Variants in BCAS3 observed in about 807,000 individuals in gnomAD.
BCAS3 encodes the protein BCAS4/BCAS3 fusion.
BCAS3 carries 53 observed loss-of-function variants against 116.1 expected under a neutral mutation model. The observed-to-expected ratio is 0.46, with a 90% confidence interval of 0.37 to 0.57. The LOEUF is 0.57. Among genes scored for constraint, BCAS3 ranks in the 20% least tolerant of loss-of-function variants. The probability of loss-of-function intolerance (pLI) is 0.00; values close to 1 mark genes in which losing one functional copy is unlikely to be tolerated. For synonymous variants in BCAS3, 391 were observed against 408.2 expected, an observed-to-expected ratio of 0.96 and a Z score of 0.51; for missense variants, 917 against 1,165.4, an observed-to-expected ratio of 0.79 and a Z score of 3.10.
intron 22 of BCAS3, among the ~76,000 whole-genome samples, chr17:61,340,854 G>A (rs2057099639): frequency 6.6e-6 from 1 of 152,206 alleles, no homozygotes; most frequent in African/African-American, 2.4e-5. Context: ...AATTGGGTTA[G>A]CAGAGGCAGA....
intron 22 of BCAS3, among the ~76,000 whole-genome samples, chr17:61,148,934 G>A (rs6504020): frequency 0.084 from 12,828 of 152,238 alleles, 1,849 homozygotes; most frequent in African/African-American, 0.29. Context: ...GTTATTTATG[G>A]CTTTGGGAGA....
rs58589853 is a variant in BCAS3, at chr17:61,388,959, ATCATTCATTCATTCATTCAT to A, written c.2594-2993_2594-2974del. On this transcript the variant is annotated intron_variant, in intron 23 of 23. Transcript: ENST00000407086. This position sits in a 1 kb window ranked among gnomAD's most constrained non-coding sequence, Gnocchi z 6.5. Reference sequence around the variant, plus strand: ...ATGGGCCCCCACCTCCCCTTACCACATCATTCATTCATTCATTCATTCATTCATTCATTCATTCATTCATG... The same window carrying A: ...ATGGGCCCCCACCTCCCCTTACCACATCATTCATTCATTCATTCATTCATG... 6.9e-5 allele frequency: 21 copies of A among 303,698 alleles called. No homozygotes were observed. Among genetic ancestry groups the A allele is most frequent in the East Asian group, 1.3e-4 (2 of 15,096 alleles). 18.8% of individuals were successfully genotyped at this position (303,698 alleles called of 1,614,324 possible).
intron 13 of BCAS3, among the ~76,000 whole-genome samples, chr17:60,940,082 G>A (rs369011558): frequency 3.3e-5 from 5 of 152,034 alleles, no homozygotes; most frequent in South Asian, 2.1e-4. Flanking sequence ...AATACACTTC[G>A]AACTGCTAAA....
chr17:61,127,910 C>CT (rs1289024569), intron 22 of BCAS3, among the ~76,000 whole-genome samples: 5 of 151,586 alleles, frequency 3.3e-5, no homozygotes, highest in African/African-American at 9.7e-5. Flanking sequence ...AAAAAGAAAA[C>CT]TTAAGGAGTA....
intron 6 of BCAS3, among the ~76,000 whole-genome samples, chr17:60,796,125 G>A (rs895594961): frequency 2.0e-5 from 3 of 152,176 alleles, no homozygotes; most frequent in Admixed American, 1.3e-4. Flanking sequence ...GTTGGATTCG[G>A]TTAGCTAGTA....
chr17:60,695,674 C>G (rs1156410679), intron 4 of BCAS3, among the ~76,000 whole-genome samples: 3 of 152,196 alleles, frequency 2.0e-5, no homozygotes, highest in African/African-American at 7.2e-5. Flanking sequence ...TCACAGCTCA[C>G]TGCAACTTTG....
intron 7 of BCAS3, among the ~76,000 whole-genome samples, chr17:60,827,756 AAGAAGCGTGTTTCTATGTAAT>A (rs1404123431): frequency 2.0e-5 from 3 of 152,152 alleles, no homozygotes; most frequent in African/African-American, 7.2e-5. Flanking sequence ...CCCCCTGTAG[AAGAAGCGTGTTTCTATGTAAT>A]AAGTCTTCCC....
Position 61,300,272 on chromosome 17 carries a change from T to C in BCAS3, c.2426-68055T>C, listed in dbSNP as rs1303639475. ...CTGTCCCGAGACCCTAAGGATGTTT[T>C]CGTAGAGCTTTGACCTTGATGAAGC... is the stretch of plus-strand genomic sequence containing the variant. On this transcript the variant is annotated intron_variant, in intron 22 of 23. Transcript: ENST00000407086. This position sits in a 1 kb window ranked among gnomAD's most constrained non-coding sequence, Gnocchi z 5.1. Among the ~76,000 whole-genome samples the C allele has an allele frequency of 6.6e-6, 1 of 152,164 alleles. No individual in the cohort carries two copies. The highest frequency in any genetic ancestry group is 6.5e-5 in the Admixed American group (1 of 15,278).
intron 20 of BCAS3, among the ~76,000 whole-genome samples, chr17:61,076,943 C>G (rs1400129333): frequency 6.6e-6 from 1 of 152,036 alleles, no homozygotes; most frequent in African/African-American, 2.4e-5. Flanking sequence ...ACTCTGTGAA[C>G]CTTTTCAGTT....
At chr17:60,811,187 C>T in intron 7 of BCAS3, 1 of 668,182 alleles carries the variant, frequency 1.5e-6, no homozygotes, top group Admixed American at 2.1e-5. Flanking sequence ...ATCCTGTAGA[C>T]TGGATCCTGC....
chr17:60,732,173 A>G (rs1010714675), intron 5 of BCAS3, among the ~76,000 whole-genome samples: 2 of 152,146 alleles, frequency 1.3e-5, no homozygotes, highest in African/African-American at 4.8e-5. Context: ...TAAAGTCCTT[A>G]GATTAACTTT....
At chr17:61,074,293 G>A (rs933200444) in intron 19 of BCAS3, among the ~76,000 whole-genome samples, 1 of 151,820 alleles carries the variant, frequency 6.6e-6, no homozygotes, top group Non-Finnish European at 1.5e-5. Context: ...TGAGTGAGTC[G>A]TAGCTTCCAA....
At chr17:60,876,257 A>G (rs1032705433) in intron 9 of BCAS3, among the ~76,000 whole-genome samples, 8 of 152,024 alleles carry the variant, frequency 5.3e-5, no homozygotes, top group Non-Finnish European at 1.2e-4. Flanking sequence ...CTTTTCTACA[A>G]CTTAATTTTC....
chr17:61,135,043 G>A (rs1465860694), intron 22 of BCAS3, among the ~76,000 whole-genome samples: 3 of 152,090 alleles, frequency 2.0e-5, no homozygotes, highest in African/African-American at 4.8e-5. Context: ...TTTAGAATCC[G>A]ACTTGAGATC....
At chr17:60,787,940 AG>A (rs1200392701) in intron 6 of BCAS3, among the ~76,000 whole-genome samples, 1 of 151,784 alleles carries the variant, frequency 6.6e-6, no homozygotes, top group African/African-American at 2.4e-5. Context: ...TAACTAGAAA[AG>A]TTAAAAAAAA....
chr17:61,015,235 A>G (rs1449970298), intron 15 of BCAS3, among the ~76,000 whole-genome samples: 2 of 152,202 alleles, frequency 1.3e-5, no homozygotes, highest in Non-Finnish European at 1.5e-5. Flanking sequence ...CTAATTCCCA[A>G]AGACTGAAAT....
intron 22 of BCAS3, among the ~76,000 whole-genome samples, chr17:61,250,678 T>G (rs1051832258): frequency 5.3e-5 from 8 of 152,218 alleles, no homozygotes; most frequent in Admixed American, 1.3e-4. Context: ...TGATCTCTCC[T>G]TTACTAACCC....
chr17:60,678,451 A>G (rs2032371544), intron 1 of BCAS3, among the ~76,000 whole-genome samples: 1 of 152,066 alleles, frequency 6.6e-6, no homozygotes, highest in Non-Finnish European at 1.5e-5. Flanking sequence ...GAGATCTTTG[A>G]TATTGCTGTC....
rs1296561411 is a variant in BCAS3, at chr17:61,105,304, C to T, written c.2425+20740C>T. Among the ~76,000 whole-genome samples the T allele has an allele frequency of 1.3e-5, 2 of 152,140 alleles. No homozygotes were observed. The highest frequency in any genetic ancestry group is 2.9e-5 in the Non-Finnish European group (2 of 68,030). On this transcript the variant is annotated intron_variant, in intron 22 of 23. Coordinates refer to ENST00000407086, the MANE Select transcript of BCAS3 (RefSeq NM_017679.5). The surrounding 1 kb of genome is among the most constrained non-coding windows in gnomAD (Gnocchi z 4.3). ...TTTAAACTAAATGATCACAGAAAAACCTAGGAGGAGCTAGTTCCATTTGTG... is the reference window on the plus strand; with the variant it reads ...TTTAAACTAAATGATCACAGAAAAATCTAGGAGGAGCTAGTTCCATTTGTG...
Sources: gnomAD v4.1 joint callset for allele counts (sites outside exome capture counted in the v4.1 genomes callset) on GRCh38, gnomAD v4.1.1 for gene constraint, Gnocchi (gnomAD v3.1) non-coding constraint, MANE v1.5 for transcripts, NCBI Gene and HGNC (gene_info 2026-07-23, HGNC 2026-07-21) for gene names.